Variants in BMP3 observed in about 807,000 individuals in gnomAD.
BMP3 encodes the protein bone morphogenetic protein 3.
In BMP3, 23 loss-of-function variants were observed where a neutral mutation model predicts 38.1. That is an observed-to-expected ratio of 0.60 (90% CI 0.43 to 0.86). BMP3 has a LOEUF of 0.86. Among genes scored for constraint, BMP3 ranks in the 40% least tolerant of loss-of-function variants. The probability of loss-of-function intolerance (pLI) is 0.00; values close to 1 mark genes in which losing one functional copy is unlikely to be tolerated. For synonymous variants in BMP3, 258 were observed against 225.7 expected (o/e 1.14, Z -1.28); for missense variants, 628 against 579.6 (o/e 1.08, Z -0.86).
chr4:81,030,735 GCACACA>G lies in BMP3; in HGVS notation c.-548_-543del, dbSNP rs1162319895. Among the ~76,000 whole-genome samples, 1 of 151,022 alleles carries G rather than the reference GCACACA, an allele frequency of 6.6e-6. No homozygotes were observed. Among genetic ancestry groups the G allele is most frequent in the East Asian group, 2.0e-4 (1 of 5,062 alleles). On this transcript the variant is annotated 5_prime_UTR_variant, in exon 1 of 3. Coordinates refer to ENST00000282701, the MANE Select transcript of BMP3 (RefSeq NM_001201.5). ...CTCTCTCTCATACACACACACACAC[GCACACA>G]CGCGCGCGCGCGCGCGCACACACAC...
At position 81,055,352 on chromosome 4, in the gene BMP3, G is replaced by A. The variant is rs546833238; in HGVS notation, c.*1816G>A. 1 of 152,240 alleles carries A rather than the reference G, an allele frequency of 6.6e-6. No homozygotes were observed. Among genetic ancestry groups the A allele is most frequent in the East Asian group, 1.9e-4 (1 of 5,180 alleles). The allele number at this position is 152,240 out of a possible 1,614,324, so 9.4% of individuals were successfully genotyped here. ...CCTTGGGGTACACAAATGTTGGTGT[G>A]GGTGTGTGTTAATTCTGTGAGTGAG... On this transcript the variant is annotated 3_prime_UTR_variant, in exon 3 of 3. Transcript: ENST00000282701.
intron 2 of BMP3, among the ~76,000 whole-genome samples, chr4:81,051,092 G>A (rs564143958): frequency 1.3e-5 from 2 of 151,998 alleles, no homozygotes; most frequent in South Asian, 2.1e-4. Context: ...AGAATCAGGG[G>A]CTTCTGTCCA....
rs898484360 is a variant in BMP3 at position 81,031,095 on chromosome 4, A to G, written c.-190A>G. On this transcript the variant is annotated 5_prime_UTR_variant, in exon 1 of 3. Coordinates refer to ENST00000282701, the MANE Select transcript of BMP3 (RefSeq NM_001201.5). The stretch of plus-strand genomic sequence containing the variant: ...GCTGCTGGGGAAGAGCCCACCTGTC[A>G]GGCTGCGCTGGGTCAGCGCAGCAAG... The G allele has an allele frequency of 3.9e-5, 24 of 608,440 alleles. No individual in the cohort carries two copies. The Middle Eastern group carries it at 1.3e-3, about 34-fold the overall frequency. 37.7% of individuals were successfully genotyped at this position (608,440 alleles called of 1,614,324 possible). A position where few individuals can be genotyped will look rare whatever the true frequency, so the allele number is the denominator to read the frequency against.
chr4:81,056,798 T>G lies in BMP3; in HGVS notation c.*3262T>G, dbSNP rs1740582242. On this transcript the variant is annotated 3_prime_UTR_variant, in exon 3 of 3. Coordinates refer to ENST00000282701, the MANE Select transcript of BMP3 (RefSeq NM_001201.5). ...TAATATTTCTGAATAAAACTCTTAT[T>G]GCCCATTTAATATTTTCATAGGCAA... 1 of 152,612 alleles carries G rather than the reference T, an allele frequency of 6.6e-6. No homozygotes were observed. The highest frequency in any genetic ancestry group is 2.1e-4 in the South Asian group (1 of 4,836). 9.5% of individuals were successfully genotyped at this position (152,612 alleles called of 1,614,324 possible).
Position 81,055,014 on chromosome 4 carries a change from A to G in BMP3, c.*1478A>G, listed in dbSNP as rs1044379440. 6.6e-6 allele frequency: 1 copy of G among 152,152 alleles called. No individual in the cohort carries two copies. Among genetic ancestry groups the G allele is most frequent in the African/African-American group, 2.4e-5 (1 of 41,436 alleles). 9.4% of individuals were successfully genotyped at this position (152,152 alleles called of 1,614,324 possible). On this transcript the variant is annotated 3_prime_UTR_variant, in exon 3 of 3. Coordinates refer to ENST00000282701, the MANE Select transcript of BMP3 (RefSeq NM_001201.5). ...ATGGTGGTTCAGTCATTTAATAAATATGTTTTGAGCATCTATTTTGTGAAA... is the reference window on the plus strand; with the variant it reads ...ATGGTGGTTCAGTCATTTAATAAATGTGTTTTGAGCATCTATTTTGTGAAA...
rs994018673 is a variant in BMP3 at position 81,040,934 on chromosome 4, A to G, written c.317-4804A>G. ...AAGTACACTTCAGGTTTTTGATTCA[A>G]TCATTCCCAATAGATAAGTATCTGA... is the stretch of plus-strand genomic sequence containing the variant. On this transcript the variant is annotated intron_variant, in intron 1 of 2. Coordinates refer to ENST00000282701, the MANE Select transcript of BMP3 (RefSeq NM_001201.5). Among the ~76,000 whole-genome samples, 9 of 152,280 alleles carry G rather than the reference A, an allele frequency of 5.9e-5. No homozygotes were observed. In the East Asian group the frequency reaches 1.5e-3, roughly 26 times the overall value.
intron 1 of BMP3, among the ~76,000 whole-genome samples, chr4:81,042,255 C>T (rs1351679201): frequency 6.6e-6 from 1 of 152,172 alleles, no homozygotes; most frequent in Non-Finnish European, 1.5e-5. Context: ...CAGCACATCT[C>T]AATTTGAATG....
Position 81,031,668 on chromosome 4 carries a change from C to A in BMP3, c.316+68C>A. The stretch of plus-strand genomic sequence containing the variant: ...AGCTTTCTCCCGGGACCCCCCACAG[C>A]TTCCTTGTCTGCCCCTTGCTTGGTG... On this transcript the variant is annotated intron_variant, in intron 1 of 2. Coordinates refer to ENST00000282701, the MANE Select transcript of BMP3 (RefSeq NM_001201.5). 10 of 1,462,880 alleles carry A rather than the reference C, an allele frequency of 6.8e-6. No individual in the cohort carries two copies. In the South Asian group the frequency reaches 8.4e-5, roughly 12 times the overall value. The allele number at this position is 1,462,880 out of a possible 1,614,324, so 90.6% of individuals were successfully genotyped here. A position where few individuals can be genotyped will look rare whatever the true frequency, so the allele number is the denominator to read the frequency against.
At chr4:81,034,428 C>G (rs1029312912) in intron 1 of BMP3, among the ~76,000 whole-genome samples, 15 of 152,112 alleles carry the variant, frequency 9.9e-5, no homozygotes, top group African/African-American at 3.6e-4. Flanking sequence ...TTGTCTCTGG[C>G]TACTATATGA....
Position 81,053,424 on chromosome 4 carries a change from G to A in BMP3, c.1307G>A (p.Cys436Tyr). Reference protein sequence around the residue: ...VGVVPGIPEPCCVPEKMSSLS... With the variant: ...VGVVPGIPEPYCVPEKMSSLS... ...GTCGTTCCTGGGATTCCTGAGCCTT[G>A]CTGTGTACCAGAAAAGATGTCCTCA... is the stretch of plus-strand genomic sequence containing the variant. Residue 436 changes from cysteine (C) to tyrosine (Y), a missense_variant, in exon 3 of 3, where the codon TGC becomes TAC. Coordinates refer to ENST00000282701, the MANE Select transcript of BMP3 (RefSeq NM_001201.5). The A allele has an allele frequency of 6.2e-7, 1 of 1,611,698 alleles. No individual in the cohort carries two copies. The highest frequency in any genetic ancestry group is 8.5e-7 in the Non-Finnish European group (1 of 1,178,896).
chr4:81,045,622 A>T, intron 1 of BMP3, 116 bp from the exon 2 acceptor site: 1 of 908,432 alleles, frequency 1.1e-6, no homozygotes, highest in East Asian at 2.9e-5. Context: ...TCTTTCCAAA[A>T]ATTTCATGGA....
At position 81,045,079 on chromosome 4, in the gene BMP3, A is replaced by G. The variant is rs547706519; in HGVS notation, c.317-659A>G. On this transcript the variant is annotated intron_variant, in intron 1 of 2. Transcript: ENST00000282701. Reference sequence around the variant, plus strand: ...GAACCATTTTGCATTCCCACCAGCAATTTGAGAGTGTTCCAATTTCTCCAC... The same window carrying G: ...GAACCATTTTGCATTCCCACCAGCAGTTTGAGAGTGTTCCAATTTCTCCAC... 2.0e-5 allele frequency among the ~76,000 whole-genome samples: 3 copies of G among 152,320 alleles called. No individual in the cohort carries two copies. The East Asian group carries it at 5.8e-4, about 29-fold the overall frequency.
rs1203024131 is a variant in BMP3 at position 81,054,486 on chromosome 4, T to A, written c.*950T>A. On this transcript the variant is annotated 3_prime_UTR_variant, in exon 3 of 3. Coordinates refer to ENST00000282701, the MANE Select transcript of BMP3 (RefSeq NM_001201.5). ...TTTAATTCTCCTGATATGCCTTTACTTCCTATGAAGTTATTGGTAGATGTT... is the reference window on the plus strand; with the variant it reads ...TTTAATTCTCCTGATATGCCTTTACATCCTATGAAGTTATTGGTAGATGTT... 1 of 152,238 alleles carries A rather than the reference T, an allele frequency of 6.6e-6. No homozygotes were observed. Among genetic ancestry groups the A allele is most frequent in the African/African-American group, 2.4e-5 (1 of 41,472 alleles). 9.4% of individuals were successfully genotyped at this position (152,238 alleles called of 1,614,324 possible).
At chr4:81,033,668 C>A (rs1739838013) in intron 1 of BMP3, among the ~76,000 whole-genome samples, 1 of 152,070 alleles carries the variant, frequency 6.6e-6, no homozygotes, top group Admixed American at 6.5e-5. Flanking sequence ...TGTTTAGTTA[C>A]TAACACACTA....
chr4:81,046,187 G>C lies in BMP3; in HGVS notation c.766G>C (p.Val256Leu), dbSNP rs1490705333. 3 of 1,613,938 alleles carry C rather than the reference G, an allele frequency of 1.9e-6. No individual in the cohort carries two copies. Among genetic ancestry groups the C allele is most frequent in the African/African-American group, 2.7e-5 (2 of 74,914 alleles). ...DAAISEPESVVSSLQGHRNFP... is the reference protein window; with the variant it reads ...DAAISEPESVLSSLQGHRNFP... ...CGCCATTTCTGAGCCAGAAAGTGTGGTATCAAGCTTACAGGGACACCGGAA... is the reference window on the plus strand; with the variant it reads ...CGCCATTTCTGAGCCAGAAAGTGTGCTATCAAGCTTACAGGGACACCGGAA... The change falls in exon 2 of 3, where the codon GTA (valine) becomes CTA (leucine). Residue 256 changes from valine (V) to leucine (L), a missense_variant. By Grantham distance (32) the Val-to-Leu change is conservative. Coordinates refer to ENST00000282701, the MANE Select transcript of BMP3 (RefSeq NM_001201.5).
intron 1 of BMP3, among the ~76,000 whole-genome samples, chr4:81,043,726 T>C (rs113515844): frequency 4.0e-5 from 6 of 151,886 alleles, no homozygotes; most frequent in Admixed American, 3.3e-4. Flanking sequence ...TAGCTGGGAT[T>C]ACAGGTGTGT....
intron 1 of BMP3, among the ~76,000 whole-genome samples, chr4:81,041,073 G>C (rs758584198): frequency 6.6e-6 from 1 of 152,168 alleles, no homozygotes; most frequent in Non-Finnish European, 1.5e-5. Flanking sequence ...GGGGAAGAGA[G>C]AGACAATGCA....
At position 81,054,698 on chromosome 4, in the gene BMP3, G is replaced by A. The variant is rs1372480763; in HGVS notation, c.*1162G>A. 1 of 152,168 alleles carries A rather than the reference G, an allele frequency of 6.6e-6. No individual in the cohort carries two copies. The highest frequency in any genetic ancestry group is 1.5e-5 in the Non-Finnish European group (1 of 68,030). 9.4% of individuals were successfully genotyped at this position (152,168 alleles called of 1,614,324 possible). A position where few individuals can be genotyped will look rare whatever the true frequency, so the allele number is the denominator to read the frequency against. ...ACAAAACATTATTCGTCAGGTATGG[G>A]AATCAAATATAGACACTTGTTTGTC... On this transcript the variant is annotated 3_prime_UTR_variant, in exon 3 of 3. Transcript: ENST00000282701.
rs1225672404 is a variant in BMP3, at chr4:81,054,115, A to C, written c.*579A>C. 3 of 152,612 alleles carry C rather than the reference A, an allele frequency of 2.0e-5. No homozygotes were observed. In the South Asian group the frequency reaches 6.2e-4, roughly 32 times the overall value. 9.5% of individuals were successfully genotyped at this position (152,612 alleles called of 1,614,324 possible). A position where few individuals can be genotyped will look rare whatever the true frequency, so the allele number is the denominator to read the frequency against. ...GTGTATGTATGTGCGTACATGCGCCAGGTGCCTGTGCCCTCTGTAGGATGG... is the reference window on the plus strand; with the variant it reads ...GTGTATGTATGTGCGTACATGCGCCCGGTGCCTGTGCCCTCTGTAGGATGG... On this transcript the variant is annotated 3_prime_UTR_variant, in exon 3 of 3. Coordinates refer to ENST00000282701, the MANE Select transcript of BMP3 (RefSeq NM_001201.5).
Sources: allele counts gnomAD v4.1 joint callset (sites outside exome capture counted in the v4.1 genomes callset), GRCh38; gene constraint gnomAD v4.1.1; transcripts MANE v1.5; gene names NCBI Gene and HGNC (gene_info 2026-07-23, HGNC 2026-07-21).